Variants in DOCK10 observed in about 807,000 individuals in gnomAD.
The protein encoded by DOCK10 is dedicator of cytokinesis protein 10.
Under a neutral mutation model 280.1 loss-of-function variants are expected in DOCK10, and 145 were observed. That is an observed-to-expected ratio of 0.52 (90% CI 0.45 to 0.59). DOCK10 has a LOEUF of 0.59. Among genes scored for constraint, DOCK10 ranks in the 20% least tolerant of loss-of-function variants. The probability of loss-of-function intolerance (pLI) is 0.00; values close to 1 mark genes in which losing one functional copy is unlikely to be tolerated. For missense variants in DOCK10, 2,368 were observed against 2,651.7 expected (o/e 0.89, Z 2.35); for synonymous variants, 915 against 942.2 (o/e 0.97, Z 0.53).
intron 25 of DOCK10, among the ~76,000 whole-genome samples, chr2:224,836,262 C>T (rs933586018): frequency 1.4e-4 from 22 of 152,028 alleles, no homozygotes; most frequent in South Asian, 2.1e-4. Flanking sequence ...GTAAATTCAT[C>T]GATACTCTAT....
chr2:224,773,802 T>G (rs1178080757), intron 52 of DOCK10, among the ~76,000 whole-genome samples: 1 of 152,080 alleles, frequency 6.6e-6, no homozygotes, highest in Non-Finnish European at 1.5e-5. Flanking sequence ...CAGCTAATTT[T>G]TGTATTTTTA....
At chr2:224,978,946 A>G (rs965437475) in intron 1 of DOCK10, among the ~76,000 whole-genome samples, 3 of 140,844 alleles carry the variant, frequency 2.1e-5, no homozygotes, top group African/African-American at 7.5e-5. Flanking sequence ...CAACTCTGAC[A>G]CCTTTTCCTT....
intron 24 of DOCK10, among the ~76,000 whole-genome samples, chr2:224,838,233 A>G (rs1458041750): frequency 1.3e-5 from 2 of 152,242 alleles, no homozygotes; most frequent in Non-Finnish European, 2.9e-5. Context: ...TAATAATCAT[A>G]TTTCATTTGA....
At chr2:225,009,638 C>CAAA (rs10639609) in intron 1 of DOCK10, among the ~76,000 whole-genome samples, 8,079 of 135,280 alleles carry the variant, frequency 0.06, 517 homozygotes, top group East Asian at 0.2. Flanking sequence ...AGCCCTAAGG[C>CAAA]AAAAAAAAAA....
chr2:224,781,215 GC>G (rs1302578188), intron 50 of DOCK10, among the ~76,000 whole-genome samples: 1 of 152,148 alleles, frequency 6.6e-6, no homozygotes, highest in Non-Finnish European at 1.5e-5. Flanking sequence ...TCTTGCCTGG[GC>G]AACTGAGTTT....
intron 1 of DOCK10, among the ~76,000 whole-genome samples, chr2:225,026,351 G>A (rs1234970897): frequency 6.6e-6 from 1 of 152,220 alleles, no homozygotes; most frequent in East Asian, 1.9e-4. Context: ...AGAATGGAGG[G>A]TGGATAGTTG....
chr2:224,965,393 T>C (rs1704679752), intron 1 of DOCK10, among the ~76,000 whole-genome samples: 1 of 152,216 alleles, frequency 6.6e-6, no homozygotes, highest in Admixed American at 6.5e-5. Flanking sequence ...TCAATGTTCC[T>C]ACACAAGACG....
chr2:224,870,144 A>T (rs1376686930), intron 11 of DOCK10, among the ~76,000 whole-genome samples: 1 of 152,110 alleles, frequency 6.6e-6, no homozygotes, highest in African/African-American at 2.4e-5. Flanking sequence ...TTCTCATAAT[A>T]TCTGATGGTT....
intron 30 of DOCK10, among the ~76,000 whole-genome samples, chr2:224,815,538 C>G (rs145405478): frequency 6.6e-6 from 1 of 151,470 alleles, no homozygotes; most frequent in African/African-American, 2.4e-5. Flanking sequence ...CCATTTCTAC[C>G]CTATTTTCTA....
At chr2:224,943,382 G>C (rs1019821169) in intron 1 of DOCK10, among the ~76,000 whole-genome samples, 3 of 152,070 alleles carry the variant, frequency 2.0e-5, no homozygotes, top group Admixed American at 2.0e-4. Context: ...AGTCCATCTG[G>C]GTCAAGAGGG....
intron 3 of DOCK10, among the ~76,000 whole-genome samples, chr2:224,905,287 C>T (rs977886126): frequency 8.1e-5 from 9 of 110,908 alleles, no homozygotes; most frequent in Non-Finnish European, 1.3e-4. Context: ...ATCGCCCAGG[C>T]CGGACTGCGG....
chr2:224,765,611 A>C lies in DOCK10; in HGVS notation c.*110T>G. The stretch of plus-strand genomic sequence containing the variant: ...TCTGAAGCTAGCGAGGTAAACAAAA[A>C]TATTAACACCATGAAAACTTCAAAT... On this transcript the variant is annotated 3_prime_UTR_variant, in exon 56 of 56. Transcript: ENST00000258390. 1.3e-6 allele frequency: 1 copy of C among 758,364 alleles called. No homozygotes were observed. Among genetic ancestry groups the C allele is most frequent in the Non-Finnish European group, 2.1e-6 (1 of 487,208 alleles). 47.0% of individuals were successfully genotyped at this position (758,364 alleles called of 1,614,324 possible).
chr2:224,959,068 T>A (rs541334126), intron 1 of DOCK10, among the ~76,000 whole-genome samples: 3 of 152,328 alleles, frequency 2.0e-5, no homozygotes, highest in African/African-American at 7.2e-5. Flanking sequence ...TTGGTTGGCA[T>A]TAGGGAACAT....
Position 224,787,143 on chromosome 2 carries a change from C to G in DOCK10, c.5542-8G>C, listed in dbSNP as rs770228365. On this transcript the variant is annotated splice_polypyrimidine_tract_variant and splice_region_variant and intron_variant, in intron 49 of 55. Coordinates refer to ENST00000258390, the MANE Select transcript of DOCK10 (RefSeq NM_014689.3). ...GTAGAGATCTGACAATTTCTGAAAC[C>G]ATAAGTGAAAGAGTTTCATGAAGAT... 9 of 1,611,602 alleles carry G rather than the reference C, an allele frequency of 5.6e-6. No homozygotes were observed. The highest frequency in any genetic ancestry group is 2.2e-5 in the South Asian group (2 of 91,024).
At chr2:224,863,087 T>C (rs1697633097) in intron 13 of DOCK10, among the ~76,000 whole-genome samples, 1 of 152,218 alleles carries the variant, frequency 6.6e-6, no homozygotes, top group African/African-American at 2.4e-5. Flanking sequence ...TATATCCCCT[T>C]TTATTTGTTA....
intron 2 of DOCK10, among the ~76,000 whole-genome samples, chr2:224,927,133 A>T (rs1386710389): frequency 6.6e-6 from 1 of 152,174 alleles, no homozygotes; most frequent in Non-Finnish European, 1.5e-5. Context: ...CTGAGTTGTG[A>T]CTGAAAAATA....
rs1469430396 is a variant in DOCK10 at position 224,814,347 on chromosome 2, C to T, written c.3382G>A (p.Glu1128Lys). ...ANIPDPLTPS[E>K]STQELHASDM... is the part of the protein sequence containing the mutation. ...GATGCATGTAACTCTTGAGTCGATTCTGAAGGTGTCAAAGGATCTGAATTT... is the reference window on the plus strand; with the variant it reads ...GATGCATGTAACTCTTGAGTCGATTTTGAAGGTGTCAAAGGATCTGAATTT... The change falls in exon 31 of 56, where the codon GAA becomes AAA. Residue 1128 changes from glutamate (E) to lysine (K), a missense_variant. This residue lies in a region of DOCK10 where 1,159 missense variants were observed against 1,400.8 expected (regional missense o/e 0.83). Coordinates refer to ENST00000258390, the MANE Select transcript of DOCK10 (RefSeq NM_014689.3). The T allele has an allele frequency of 2.0e-6, 3 of 1,533,250 alleles. No individual in the cohort carries two copies. The highest frequency in any genetic ancestry group is 2.6e-6 in the Non-Finnish European group (3 of 1,139,512). 95.0% of individuals were successfully genotyped at this position (1,533,250 alleles called of 1,614,324 possible).
At chr2:224,992,554 A>G (rs545872357) in intron 1 of DOCK10, among the ~76,000 whole-genome samples, 1 of 152,372 alleles carries the variant, frequency 6.6e-6, no homozygotes, top group East Asian at 1.9e-4. Flanking sequence ...GGCAATATTC[A>G]GAAGATTAAC....
intron 4 of DOCK10, among the ~76,000 whole-genome samples, chr2:224,888,767 T>A (rs2125779613): frequency 6.6e-6 from 1 of 152,062 alleles, no homozygotes; most frequent in African/African-American, 2.4e-5. Flanking sequence ...TATATATGTG[T>A]ATGTATGTGT....
Sources: gnomAD v4.1 joint callset for allele counts (sites outside exome capture counted in the v4.1 genomes callset) on GRCh38, gnomAD v4.1.1 for gene constraint, gnomAD v4.1.1 regional missense constraint, MANE v1.5 for transcripts, NCBI Gene and HGNC (gene_info 2026-07-23, HGNC 2026-07-21) for gene names.